RIMS2: variants seen among roughly 807,000 people sequenced by gnomAD.
RIMS2 encodes the protein regulating synaptic membrane exocytosis 2.
In RIMS2, 59 loss-of-function variants were observed where a neutral mutation model predicts 174.4. That is an observed-to-expected ratio of 0.34 (90% confidence interval 0.27 to 0.42). The LOEUF (loss-of-function observed/expected upper bound fraction) is 0.42, where lower values mean the gene tolerates loss of function less well. RIMS2 is among the 10% of genes least tolerant of loss of function. The pLI is 1.00. For synonymous variants in RIMS2, 606 were observed against 572.5 expected (o/e 1.06, Z -0.84); for missense variants, 1,620 against 1,666.3 (o/e 0.97, Z 0.48).
chr8:104,068,852 G>A (rs13280640), intron 19 of RIMS2, among the ~76,000 whole-genome samples: 38,316 of 151,992 alleles, frequency 0.25, 5,185 homozygotes, highest in South Asian at 0.36. Flanking sequence ...ATCTTTTACA[G>A]TTTTTCATTT....
intron 3 of RIMS2, among the ~76,000 whole-genome samples, chr8:103,774,746 T>C (rs1166178108): frequency 6.6e-6 from 1 of 152,106 alleles, no homozygotes; most frequent in Admixed American, 6.5e-5. Context: ...AGAAAAGAAA[T>C]CATAACAATG....
chr8:104,124,273 G>C (rs1451837865), intron 19 of RIMS2, among the ~76,000 whole-genome samples: 1 of 152,132 alleles, frequency 6.6e-6, no homozygotes, highest in Non-Finnish European at 1.5e-5. Context: ...AATAGCTGGG[G>C]CTGGAGAAAT....
chr8:103,875,256 C>G (rs892613839), intron 3 of RIMS2, among the ~76,000 whole-genome samples: 7 of 151,672 alleles, frequency 4.6e-5, no homozygotes, highest in African/African-American at 1.7e-4. Flanking sequence ...TTTTTTTTAT[C>G]TCTCACTCGC....
intron 1 of RIMS2, among the ~76,000 whole-genome samples, chr8:103,692,634 C>T (rs1158504116): frequency 6.6e-6 from 1 of 152,200 alleles, no homozygotes; most frequent in Non-Finnish European, 1.5e-5. Context: ...GGGTTCTTTC[C>T]TTCAGGGCAG....
chr8:103,699,317 C>T (rs1271830869), intron 2 of RIMS2, among the ~76,000 whole-genome samples: 2 of 152,122 alleles, frequency 1.3e-5, no homozygotes, highest in Non-Finnish European at 2.9e-5. Context: ...GTCTTGACCC[C>T]CTGGGCTCAG....
At chr8:103,817,618 T>C (rs2098726099) in intron 3 of RIMS2, among the ~76,000 whole-genome samples, 1 of 151,972 alleles carries the variant, frequency 6.6e-6, no homozygotes, top group Admixed American at 6.6e-5. Context: ...CTGTCTCCAC[T>C]AAAAATACAA....
chr8:104,094,878 A>G (rs958597416), intron 19 of RIMS2: 1 of 553,164 alleles, frequency 1.8e-6, no homozygotes, highest in Non-Finnish European at 3.2e-6. Flanking sequence ...TTGGCAAACT[A>G]TTATCAAATA....
At chr8:104,054,384 G>T (rs934299464) in intron 19 of RIMS2, among the ~76,000 whole-genome samples, 1 of 152,088 alleles carries the variant, frequency 6.6e-6, no homozygotes, top group Non-Finnish European at 1.5e-5. Context: ...ACAATTTAGT[G>T]TCCAAGCATG....
Position 103,803,650 on chromosome 8 carries a change from G to T in RIMS2, c.698+37113G>T, listed in dbSNP as rs535252109. Among the ~76,000 whole-genome samples, 4 of 152,132 alleles carry T rather than the reference G, an allele frequency of 2.6e-5. No homozygotes were observed. The South Asian group carries it at 8.3e-4, about 31-fold the overall frequency. ...GCTAGTAGAGTATGGCAAAGATGTT[G>T]GGATAGTCAGTTATATAGTTATATC... On this transcript the variant is annotated intron_variant, in intron 3 of 23. Coordinates refer to ENST00000504942, the Ensembl canonical transcript of RIMS2.
chr8:103,991,132 A>G (rs1426545177), intron 17 of RIMS2, among the ~76,000 whole-genome samples: 2 of 151,702 alleles, frequency 1.3e-5, no homozygotes, highest in Admixed American at 6.6e-5. Flanking sequence ...AAACATCATT[A>G]TATTTTTATT....
At chr8:103,895,553 T>C (rs1461990235) in intron 4 of RIMS2, among the ~76,000 whole-genome samples, 5 of 151,552 alleles carry the variant, frequency 3.3e-5, no homozygotes, top group Admixed American at 2.0e-4. Flanking sequence ...AACTATTGTA[T>C]TGGGGATTAA....
chr8:104,231,353 G>GTT lies in RIMS2; in HGVS notation c.3335-13560_3335-13559dup, dbSNP rs375402800. On this transcript the variant is annotated intron_variant, in intron 19 of 23. Coordinates refer to ENST00000504942, the Ensembl canonical transcript of RIMS2. ...TTCAAGTTCTTTAACAATATGAGGT[G>GTT]TTTTCTTTTTTTATGGTTTAGCATC... Among the ~76,000 whole-genome samples, 38 of 147,074 alleles carry GTT rather than the reference G, an allele frequency of 2.6e-4. No homozygotes were observed. In the East Asian group the frequency reaches 5.5e-3, roughly 21 times the overall value.
intron 1 of RIMS2, among the ~76,000 whole-genome samples, chr8:103,691,948 G>A (rs1433596926): frequency 6.6e-6 from 1 of 152,178 alleles, no homozygotes; most frequent in Non-Finnish European, 1.5e-5. Context: ...ACTCACAGAG[G>A]TATTGCCTTG....
chr8:104,112,078 A>C (rs1490185815), intron 19 of RIMS2, among the ~76,000 whole-genome samples: 1 of 152,190 alleles, frequency 6.6e-6, no homozygotes, highest in South Asian at 2.1e-4. Context: ...TATTTCCACT[A>C]TTAATTGGAA....
intron 1 of RIMS2, among the ~76,000 whole-genome samples, chr8:103,668,042 C>T (rs139754662): frequency 9.2e-5 from 14 of 152,274 alleles, no homozygotes; most frequent in African/African-American, 3.1e-4. Context: ...GGTGAAAATA[C>T]ACTTTGGCAT....
At chr8:103,757,320 ATTG>A (rs1279163465) in intron 2 of RIMS2, among the ~76,000 whole-genome samples, 8 of 152,114 alleles carry the variant, frequency 5.3e-5, no homozygotes, top group African/African-American at 1.9e-4. Flanking sequence ...TTCTGTATGT[ATTG>A]ATAATGCCAT....
At chr8:103,509,857 A>G (rs1047396450) in intron 1 of RIMS2, among the ~76,000 whole-genome samples, 17 of 152,144 alleles carry the variant, frequency 1.1e-4, no homozygotes, top group African/African-American at 4.1e-4. Flanking sequence ...TTATGAACAC[A>G]TATCTATATT....
chr8:103,935,818 T>G (rs1448625740), intron 12 of RIMS2, among the ~76,000 whole-genome samples: 1 of 152,214 alleles, frequency 6.6e-6, no homozygotes, highest in Non-Finnish European at 1.5e-5. Context: ...TTTTGGTTTC[T>G]GTTTTAGTAT....
chr8:103,636,810 A>G (rs1258901328), intron 1 of RIMS2, among the ~76,000 whole-genome samples: 1 of 73,952 alleles, frequency 1.4e-5, no homozygotes, highest in East Asian at 4.7e-4. Flanking sequence ...CCACACACAC[A>G]CACATACCAA....
Sources: gnomAD v4.1 joint callset for allele counts (sites outside exome capture counted in the v4.1 genomes callset) on GRCh38, gnomAD v4.1.1 for gene constraint, MANE v1.5 for transcripts, NCBI Gene and HGNC (gene_info 2026-07-23, HGNC 2026-07-21) for gene names.